ARHGAP21: variants seen among roughly 807,000 people sequenced by gnomAD.
ARHGAP21 encodes the protein rho GTPase-activating protein 21.
ARHGAP21 carries 38 observed loss-of-function variants against 164.6 expected under a neutral mutation model. The observed-to-expected ratio is 0.23, with a 90% CI of 0.18 to 0.30. ARHGAP21 has a LOEUF of 0.30. ARHGAP21 is among the 10% of genes least tolerant of loss of function. The pLI is 1.00. For missense variants in ARHGAP21, 1,822 were observed against 2,370.7 expected (o/e 0.77, Z 4.81); for synonymous variants, 766 against 857.9 (o/e 0.89, Z 1.87).
At chr10:24,693,500 G>A (rs760832919) in intron 2 of ARHGAP21, among the ~76,000 whole-genome samples, 6 of 151,984 alleles carry the variant, frequency 3.9e-5, no homozygotes, top group South Asian at 2.1e-4. Flanking sequence ...ACAGGCGCTC[G>A]CCACCACGCC....
At chr10:24,665,198 C>A (rs1840072314) in intron 4 of ARHGAP21, among the ~76,000 whole-genome samples, 1 of 151,992 alleles carries the variant, frequency 6.6e-6, no homozygotes, top group African/African-American at 2.4e-5. Flanking sequence ...GGAATTCATC[C>A]TAACCCTGGT....
At chr10:24,693,127 C>T (rs2132035284) in intron 2 of ARHGAP21, among the ~76,000 whole-genome samples, 1 of 152,304 alleles carries the variant, frequency 6.6e-6, no homozygotes, top group South Asian at 2.1e-4. Flanking sequence ...TTCTGAGGCG[C>T]TGTTCATGTT....
At position 24,721,860 on chromosome 10, in the gene ARHGAP21, C is replaced by T. The variant is rs755249404; in HGVS notation, c.40G>A (p.Gly14Ser). The stretch of plus-strand genomic sequence containing the variant: ...ACCTCGCAGGCCTTGAGCTTGTCAC[C>T]ATCTCCCTCAGACAGACCAGTCCGA... ...TRRTGLSEGDGDKLKACEVSK... is the reference protein window; with the variant it reads ...TRRTGLSEGDSDKLKACEVSK... Residue 14 changes from glycine to serine, a missense_variant, in exon 2 of 26, where the codon GGT becomes AGT. Gly to Ser is a moderately conservative substitution (Grantham distance 56, BLOSUM62 0). This residue lies in a region of ARHGAP21 where 1,090 missense variants were observed against 1,378.9 expected (regional missense o/e 0.79). Transcript: ENST00000396432. The T allele has an allele frequency of 6.2e-7, 1 of 1,614,256 alleles. No homozygotes were observed. The highest frequency in any genetic ancestry group is 8.5e-7 in the Non-Finnish European group (1 of 1,180,044).
chr10:24,707,996 A>G (rs541701631), intron 2 of ARHGAP21, among the ~76,000 whole-genome samples: 1 of 152,356 alleles, frequency 6.6e-6, no homozygotes, highest in African/African-American at 2.4e-5. Context: ...TTTCCCAAGT[A>G]TGTTCCTACT....
chr10:24,613,470 G>C (rs2077351166), intron 9 of ARHGAP21, among the ~76,000 whole-genome samples: 1 of 152,042 alleles, frequency 6.6e-6, no homozygotes, highest in Non-Finnish European at 1.5e-5. Flanking sequence ...TTTCTTTAAT[G>C]GTCAGTTCTG....
intron 2 of ARHGAP21, among the ~76,000 whole-genome samples, chr10:24,671,942 C>T (rs1840747030): frequency 8.0e-6 from 1 of 124,362 alleles, no homozygotes; most frequent in Non-Finnish European, 1.6e-5. Flanking sequence ...GTTGCTCAGG[C>T]TGGTCTTGAG....
intron 2 of ARHGAP21, among the ~76,000 whole-genome samples, chr10:24,701,058 G>A (rs762519752): frequency 2.6e-5 from 4 of 152,172 alleles, no homozygotes; most frequent in Non-Finnish European, 5.9e-5. Flanking sequence ...GTCTACTGGT[G>A]TTAGAAGCAG....
At chr10:24,676,217 T>C (rs1225892987) in intron 2 of ARHGAP21, among the ~76,000 whole-genome samples, 2 of 152,200 alleles carry the variant, frequency 1.3e-5, no homozygotes, top group African/African-American at 4.8e-5. Flanking sequence ...AAAATAACTA[T>C]TAATCATTGT....
At chr10:24,586,186 A>T (rs1296695946) in intron 25 of ARHGAP21, 80 bp from the exon 26 acceptor site, 11 of 1,428,030 alleles carry the variant, frequency 7.7e-6, no homozygotes. Context: ...TCTCCCAAAT[A>T]TTTCTTATCA....
At chr10:24,718,130 G>A (rs1028753169) in intron 2 of ARHGAP21, among the ~76,000 whole-genome samples, 1 of 152,160 alleles carries the variant, frequency 6.6e-6, no homozygotes, top group African/African-American at 2.4e-5. Flanking sequence ...TGGGAATGTG[G>A]ACTCCACAAG....
At chr10:24,628,886 T>TAC (rs1835452848) in intron 7 of ARHGAP21, 3 of 101,158 alleles carry the variant, frequency 3.0e-5, no homozygotes, top group African/African-American at 8.0e-5. Context: ...TATATACACA[T>TAC]ATATATACAT....
chr10:24,593,475 A>G lies in ARHGAP21; in HGVS notation c.3877-1463T>C, dbSNP rs529425338. On this transcript the variant is annotated intron_variant, in intron 21 of 25. Coordinates refer to ENST00000396432, the MANE Select transcript of ARHGAP21 (RefSeq NM_020824.4). ...TAGACTAATGATAACAAACATTAAT[A>G]TTTATATGTATACACCGTAATATTT... Among the ~76,000 whole-genome samples the G allele has an allele frequency of 7.2e-5, 11 of 152,330 alleles. No homozygotes were observed. The South Asian group carries it at 2.3e-3, about 32-fold the overall frequency.
At chr10:24,590,961 GAACAA>G (rs933970438) in intron 24 of ARHGAP21, 3 of 572,714 alleles carry the variant, frequency 5.2e-6, no homozygotes, top group Non-Finnish European at 6.4e-6. Flanking sequence ...AAAAAAAAAA[GAACAA>G]AACAGTGGTT....
At chr10:24,625,297 G>GAGCAAAAAAAAAAAAAAAAAAAAAAAA (rs1565045749) in intron 7 of ARHGAP21, among the ~76,000 whole-genome samples, 1 of 24,670 alleles carries the variant, frequency 4.1e-5, no homozygotes, top group Non-Finnish European at 9.3e-5. Context: ...AAATGAAACA[G>GAGCAAAAAAAAAAAAAAAAAAAAAAAA]AGAAAAAAAA....
intron 4 of ARHGAP21, among the ~76,000 whole-genome samples, chr10:24,654,947 G>T (rs1838644565): frequency 1.3e-5 from 2 of 152,140 alleles, no homozygotes; most frequent in Non-Finnish European, 2.9e-5. Flanking sequence ...ACAGAACAGA[G>T]GCCTCAGAAA....
At chr10:24,601,445 G>A (rs2076809126) in intron 13 of ARHGAP21, among the ~76,000 whole-genome samples, 1 of 152,146 alleles carries the variant, frequency 6.6e-6, no homozygotes, top group Admixed American at 6.5e-5. Flanking sequence ...GCATTAAAAT[G>A]TTCTTATATA....
At chr10:24,695,073 A>G (rs903925333) in intron 2 of ARHGAP21, among the ~76,000 whole-genome samples, 72 of 12,386 alleles carry the variant, frequency 5.8e-3, no homozygotes, top group Non-Finnish European at 0.011. Flanking sequence ...AAAAAAAAAA[A>G]AAAAAAAAAA....
intron 2 of ARHGAP21, among the ~76,000 whole-genome samples, chr10:24,709,763 A>C (rs1464643447): frequency 6.7e-6 from 1 of 149,998 alleles, no homozygotes; most frequent in African/African-American, 2.5e-5. Context: ...AACAATCCAG[A>C]CAAGGACACA....
rs1371858043 is a variant in ARHGAP21 at position 24,584,255 on chromosome 10, T to G, written c.*157A>C. The G allele has an allele frequency of 6.3e-6, 4 of 636,080 alleles. No homozygotes were observed. The African/African-American group carries it at 7.2e-5, about 11-fold the overall frequency. The allele number at this position is 636,080 out of a possible 1,614,324, so 39.4% of individuals were successfully genotyped here. Reference sequence around the variant, plus strand: ...ATATATATATATGTTCTTCTGGCTGTAGTAATGCACTGTAAAGCTATTTCA... The same window carrying G: ...ATATATATATATGTTCTTCTGGCTGGAGTAATGCACTGTAAAGCTATTTCA... On this transcript the variant is annotated 3_prime_UTR_variant, in exon 26 of 26. Transcript: ENST00000396432.
Sources: gnomAD v4.1 joint callset for allele counts (sites outside exome capture counted in the v4.1 genomes callset) on GRCh38, gnomAD v4.1.1 for gene constraint, gnomAD v4.1.1 regional missense constraint, MANE v1.5 for transcripts, NCBI Gene and HGNC (gene_info 2026-07-23, HGNC 2026-07-21) for gene names.